RHOH: variants seen among roughly 807,000 people sequenced by gnomAD.
The protein encoded by RHOH is ras homolog family member H, also known as rho-related GTP-binding protein RhoH.
In RHOH, 6 loss-of-function variants were observed where a neutral mutation model predicts 13.8. That is an observed-to-expected ratio of 0.44 (90% CI 0.24 to 0.86). The LOEUF (loss-of-function observed/expected upper bound fraction) is 0.86. Ranked by LOEUF, RHOH falls within the 40% of genes least tolerant of loss-of-function variation. The probability of loss-of-function intolerance (pLI) is 0.24; values close to 1 mark genes in which losing one functional copy is unlikely to be tolerated. For synonymous variants in RHOH, 117 were observed against 103.0 expected, an observed-to-expected ratio of 1.14 and a Z score of -0.82; for missense variants, 147 against 244.5, an observed-to-expected ratio of 0.60 and a Z score of 2.66.
chr4:40,210,264 C>T (rs780826602), intron 1 of RHOH, among the ~76,000 whole-genome samples: 7 of 152,154 alleles, frequency 4.6e-5, no homozygotes, highest in African/African-American at 1.7e-4. Context: ...TACCTACCAA[C>T]GGGGACTTAA....
chr4:40,198,003 G>A (rs1302684774), intron 1 of RHOH, among the ~76,000 whole-genome samples: 1 of 152,258 alleles, frequency 6.6e-6, no homozygotes, highest in Non-Finnish European at 1.5e-5. Flanking sequence ...CCCCTTATTG[G>A]TTCTAAGCTG....
At chr4:40,191,151 G>C (rs1028455192), upstream of RHOH, 1 of 152,104 alleles carries the variant, frequency 6.6e-6, no homozygotes, top group Non-Finnish European at 1.5e-5. Flanking sequence ...CATTCCCTAG[G>C]AGCTCGGGCC....
intron 1 of RHOH, chr4:40,240,151 T>G (rs1226354994): frequency 6.6e-6 from 1 of 152,228 alleles, no homozygotes; most frequent in Non-Finnish European, 1.5e-5. Context: ...AAATTTGGCT[T>G]TAGCTCAGTC....
intron 1 of RHOH, among the ~76,000 whole-genome samples, chr4:40,226,526 C>CAA (rs892642366): frequency 1.2e-4 from 16 of 133,008 alleles, no homozygotes; most frequent in East Asian, 3.6e-4. Flanking sequence ...AACTCCATCT[C>CAA]AAAAAAAAAA....
rs187003082 is a variant in RHOH, at chr4:40,226,151, T to C, written c.-330-16563T>C. On this transcript the variant is annotated intron_variant, in intron 1 of 2. Transcript: ENST00000381799. ...CTTAAAAAAAAAATCCTGCAAACGA[T>C]GCATGATTAATTCACATTTTGCAGT... Among the ~76,000 whole-genome samples, 19 of 152,200 alleles carry C rather than the reference T, an allele frequency of 1.2e-4. No individual in the cohort carries two copies. In the East Asian group the frequency reaches 3.1e-3, roughly 25 times the overall value.
chr4:40,213,306 G>A (rs1240720443), intron 1 of RHOH, among the ~76,000 whole-genome samples: 1 of 151,860 alleles, frequency 6.6e-6, no homozygotes, highest in Non-Finnish European at 1.5e-5. Flanking sequence ...AAAATGGCAA[G>A]TGTGGGTCTC....
chr4:40,235,681 G>A (rs35548579), intron 1 of RHOH, among the ~76,000 whole-genome samples: 1 of 149,512 alleles, frequency 6.7e-6, no homozygotes, highest in Admixed American at 6.7e-5. Flanking sequence ...CTGGTCTGAA[G>A]AGCTGGGTAC....
intron 1 of RHOH, among the ~76,000 whole-genome samples, chr4:40,215,204 C>A (rs1725731465): frequency 6.6e-6 from 1 of 152,130 alleles, no homozygotes; most frequent in Non-Finnish European, 1.5e-5. Flanking sequence ...GGAGTGGGTG[C>A]CAAGCTGGAG....
intron 1 of RHOH, among the ~76,000 whole-genome samples, chr4:40,234,529 C>T (rs1004478227): frequency 1.3e-5 from 2 of 151,984 alleles, no homozygotes; most frequent in African/African-American, 2.4e-5. Context: ...AAGGGGACCA[C>T]GGTCCCGGTG....
chr4:40,237,454 CAA>C (rs145980581), intron 1 of RHOH, among the ~76,000 whole-genome samples: 23 of 136,450 alleles, frequency 1.7e-4, no homozygotes, highest in East Asian at 4.3e-4. Context: ...GACTCCGTCT[CAA>C]AAAAAAAAAA....
intron 1 of RHOH, among the ~76,000 whole-genome samples, chr4:40,232,328 A>G (rs1728039578): frequency 6.6e-6 from 1 of 151,922 alleles, no homozygotes; most frequent in Non-Finnish European, 1.5e-5. Flanking sequence ...GGGCTCAAGT[A>G]ATCCTCCTGC....
upstream of RHOH, among the ~76,000 whole-genome samples, chr4:40,194,796 T>C (rs929882046): frequency 6.6e-6 from 1 of 152,204 alleles, no homozygotes; most frequent in Non-Finnish European, 1.5e-5. Flanking sequence ...TTGCTTTTAG[T>C]AAACTCTTCG....
At chr4:40,205,206 G>A (rs1035326931) in intron 1 of RHOH, among the ~76,000 whole-genome samples, 37 of 152,340 alleles carry the variant, frequency 2.4e-4, no homozygotes, top group Middle Eastern at 3.4e-3. Context: ...AGAGGTTTCA[G>A]TGAGCCAAGA....
At chr4:40,223,456 T>A (rs1478664025) in intron 1 of RHOH, among the ~76,000 whole-genome samples, 2 of 148,414 alleles carry the variant, frequency 1.3e-5, no homozygotes, top group Non-Finnish European at 3.0e-5. Flanking sequence ...AAGGCTCAGA[T>A]GATTGTTAGC....
At chr4:40,217,827 C>A (rs1212299864) in intron 1 of RHOH, among the ~76,000 whole-genome samples, 1 of 152,168 alleles carries the variant, frequency 6.6e-6, no homozygotes, top group East Asian at 1.9e-4. Flanking sequence ...TAGGATTATG[C>A]CTCCTGGTTT....
At chr4:40,197,799 A>G (rs535637635) in intron 1 of RHOH, among the ~76,000 whole-genome samples, 2 of 152,246 alleles carry the variant, frequency 1.3e-5, no homozygotes, top group Non-Finnish European at 2.9e-5. Flanking sequence ...AAAGTGCTCT[A>G]TGATGTATAA....
intron 1 of RHOH, among the ~76,000 whole-genome samples, chr4:40,227,040 T>C (rs1465083315): frequency 6.6e-6 from 1 of 152,108 alleles, no homozygotes; most frequent in African/African-American, 2.4e-5. Flanking sequence ...ATGCCTGTAA[T>C]TCCAGCTACT....
chr4:40,228,836 G>A (rs935566222), intron 1 of RHOH, among the ~76,000 whole-genome samples: 4 of 152,166 alleles, frequency 2.6e-5, no homozygotes, highest in Non-Finnish European at 4.4e-5. Context: ...ATCTGGTTTC[G>A]TGTGGGTAAT....
intron 1 of RHOH, among the ~76,000 whole-genome samples, chr4:40,223,767 G>GTTTTTTTTTTTTT (rs56144023): frequency 1.2e-5 from 1 of 83,932 alleles, no homozygotes; most frequent in Non-Finnish European, 2.2e-5. Flanking sequence ...AACATAACTT[G>GTTTTTTTTTTTTT]TTTTTTTTTT....
Sources: allele counts gnomAD v4.1 joint callset (sites outside exome capture counted in the v4.1 genomes callset), GRCh38; gene constraint gnomAD v4.1.1; transcripts MANE v1.5; gene names NCBI Gene and HGNC (gene_info 2026-07-23, HGNC 2026-07-21).